STX12: variants seen among roughly 807,000 people sequenced by gnomAD.
STX12 encodes the protein syntaxin-12.
A neutral mutation model predicts 42.2 loss-of-function variants in STX12; 17 were observed. The observed-to-expected ratio is 0.40, with a 90% confidence interval of 0.28 to 0.60. STX12 has a LOEUF of 0.60. STX12 is among the 20% of genes least tolerant of loss of function. The pLI is 0.39. For synonymous variants in STX12, 108 were observed against 116.7 expected, an observed-to-expected ratio of 0.93 and a Z score of 0.48; for missense variants, 297 against 330.9, an observed-to-expected ratio of 0.90 and a Z score of 0.79.
At chr1:27,820,966 T>C (rs1210808412) in intron 8 of STX12, among the ~76,000 whole-genome samples, 1 of 143,942 alleles carries the variant, frequency 6.9e-6, no homozygotes, top group African/African-American at 2.6e-5. Context: ...TAGGTGGGAA[T>C]TGAACAATGA....
intron 5 of STX12, among the ~76,000 whole-genome samples, chr1:27,811,329 G>C (rs1053114489): frequency 3.3e-5 from 5 of 149,852 alleles, no homozygotes; most frequent in African/African-American, 1.2e-4. Flanking sequence ...AAAAAGCCAG[G>C]CATGGTGGCT....
intron 1 of STX12, among the ~76,000 whole-genome samples, chr1:27,789,077 A>G (rs1452484165): frequency 6.6e-6 from 1 of 152,222 alleles, no homozygotes; most frequent in African/African-American, 2.4e-5. Flanking sequence ...AATTAATAAC[A>G]GAGTGTATAC....
At chr1:27,782,863 G>C (rs143630433) in intron 1 of STX12, among the ~76,000 whole-genome samples, 91 of 152,036 alleles carry the variant, frequency 6.0e-4, no homozygotes, top group Non-Finnish European at 1.1e-3. Context: ...TTTTAAAAAA[G>C]GTAATTTTCA....
chr1:27,779,416 A>G (rs761398254), intron 1 of STX12, among the ~76,000 whole-genome samples: 19 of 150,794 alleles, frequency 1.3e-4, no homozygotes, highest in Non-Finnish European at 2.5e-4. Flanking sequence ...TCACTGTAAC[A>G]TCCACCTCCT....
intron 1 of STX12, among the ~76,000 whole-genome samples, chr1:27,776,285 A>G (rs1375815835): frequency 6.6e-6 from 1 of 152,238 alleles, no homozygotes; most frequent in Non-Finnish European, 1.5e-5. Flanking sequence ...AAGCACCAGT[A>G]TCATTTCCAT....
At chr1:27,796,203 G>A (rs778825438) in intron 3 of STX12, among the ~76,000 whole-genome samples, 8 of 151,916 alleles carry the variant, frequency 5.3e-5, no homozygotes, top group Non-Finnish European at 7.4e-5. Flanking sequence ...CCCTCCTCTT[G>A]TTATGCTCTG....
At chr1:27,775,581 T>C (rs921261122) in intron 1 of STX12, among the ~76,000 whole-genome samples, 2 of 152,148 alleles carry the variant, frequency 1.3e-5, no homozygotes, top group Admixed American at 6.6e-5. Flanking sequence ...CTTCAACATA[T>C]ATTTATTTGA....
chr1:27,784,931 C>T (rs1256100111), intron 1 of STX12, among the ~76,000 whole-genome samples: 2 of 151,804 alleles, frequency 1.3e-5, no homozygotes, highest in African/African-American at 4.8e-5. Context: ...TATCTTTCCA[C>T]CCCCCAAATT....
At chr1:27,811,185 G>A (rs943577762) in intron 5 of STX12, among the ~76,000 whole-genome samples, 6 of 150,316 alleles carry the variant, frequency 4.0e-5, no homozygotes, top group Non-Finnish European at 4.4e-5. Context: ...TGAGTGTAGA[G>A]GCAGGTGCCT....
At chr1:27,809,606 G>A (rs973457060) in intron 4 of STX12, among the ~76,000 whole-genome samples, 3 of 151,220 alleles carry the variant, frequency 2.0e-5, no homozygotes, top group African/African-American at 7.3e-5. Context: ...ACAGGTGCCC[G>A]CCACCACGTC....
intron 1 of STX12, among the ~76,000 whole-genome samples, chr1:27,782,251 C>T (rs551476769): frequency 8.5e-5 from 13 of 152,240 alleles, no homozygotes; most frequent in Middle Eastern, 3.4e-3. Flanking sequence ...AGGCACGCAC[C>T]ACCACGTCCA....
intron 3 of STX12, among the ~76,000 whole-genome samples, chr1:27,794,552 C>A (rs1385654895): frequency 6.6e-6 from 1 of 152,106 alleles, no homozygotes; most frequent in Admixed American, 6.6e-5. Flanking sequence ...CCTTAATATG[C>A]CACATTCCTG....
Position 27,789,549 on chromosome 1 carries a change from C to T in STX12, c.119-13C>T, listed in dbSNP as rs761306858. On this transcript the variant is annotated splice_polypyrimidine_tract_variant and intron_variant, in intron 1 of 8. Coordinates refer to ENST00000373943, the MANE Select transcript of STX12 (RefSeq NM_177424.3). ...TTTCTTTTAAATAAATCTTTTTCTT[C>T]CTATCTCCCCAGCTGCTCAGATAAA... 1 of 1,607,604 alleles carries T rather than the reference C, an allele frequency of 6.2e-7. No homozygotes were observed. The highest frequency in any genetic ancestry group is 8.5e-7 in the Non-Finnish European group (1 of 1,176,520).
At chr1:27,798,394 C>T (rs1257341637) in intron 3 of STX12, among the ~76,000 whole-genome samples, 1 of 151,902 alleles carries the variant, frequency 6.6e-6, no homozygotes, top group Non-Finnish European at 1.5e-5. Context: ...CCTATAATCC[C>T]AGCACTTTGG....
At chr1:27,778,912 A>C (rs1213725285) in intron 1 of STX12, among the ~76,000 whole-genome samples, 4 of 152,122 alleles carry the variant, frequency 2.6e-5, no homozygotes, top group Non-Finnish European at 5.9e-5. Context: ...GGCATATGCC[A>C]CTGCGCCTGG....
chr1:27,790,505 A>G (rs1480000145), intron 2 of STX12, among the ~76,000 whole-genome samples: 2 of 152,134 alleles, frequency 1.3e-5, no homozygotes, highest in Admixed American at 6.5e-5. Context: ...GCATTTTACA[A>G]TCCTAGCTAC....
intron 7 of STX12, 42 bp downstream of exon 7, chr1:27,817,965 G>C: frequency 1.3e-6 from 2 of 1,559,270 alleles, no homozygotes; most frequent in Middle Eastern, 3.5e-4. Flanking sequence ...TGAGTTGATA[G>C]TATTTGGCAT....
chr1:27,802,113 T>C (rs1226652188), intron 4 of STX12: 1 of 184,826 alleles, frequency 5.4e-6, no homozygotes, highest in Non-Finnish European at 1.1e-5. Flanking sequence ...TTTCCTGGAA[T>C]ATAACAGGCT....
intron 2 of STX12, among the ~76,000 whole-genome samples, chr1:27,792,120 A>G (rs1175267424): frequency 7.3e-6 from 1 of 136,252 alleles, no homozygotes; most frequent in South Asian, 2.2e-4. Flanking sequence ...TAAATATATA[A>G]TATATATCTA....
Sources: gnomAD v4.1 joint callset for allele counts (sites outside exome capture counted in the v4.1 genomes callset) on GRCh38, gnomAD v4.1.1 for gene constraint, MANE v1.5 for transcripts, NCBI Gene and HGNC (gene_info 2026-07-23, HGNC 2026-07-21) for gene names.